The following PTCHD4 variants were observed in gnomAD, a reference collection of about 807,000 sequenced individuals.
PTCHD4 encodes patched domain-containing protein 4.
Under a neutral mutation model 58.1 loss-of-function variants are expected in PTCHD4, and 33 were observed. The ratio of observed to expected loss-of-function variants is 0.57; its 90% CI spans 0.43 to 0.76. PTCHD4 has a LOEUF of 0.76. Among genes scored for constraint, PTCHD4 ranks in the 30% least tolerant of loss-of-function variants. PTCHD4 has a pLI of 0.00. For missense variants in PTCHD4, 1,058 were observed against 1,027.1 expected, an observed-to-expected ratio of 1.03 and a Z score of -0.41; for synonymous variants, 478 against 409.6, an observed-to-expected ratio of 1.17 and a Z score of -2.02.
At chr6:48,057,672 T>A (rs1373710578) in intron 3 of PTCHD4, among the ~76,000 whole-genome samples, 1 of 152,194 alleles carries the variant, frequency 6.6e-6, no homozygotes, top group Non-Finnish European at 1.5e-5. Flanking sequence ...AGGAAGAGTA[T>A]GAATGATGAT....
chr6:48,019,521 A>G (rs1562010252), intron 3 of PTCHD4, among the ~76,000 whole-genome samples: 1 of 152,070 alleles, frequency 6.6e-6, no homozygotes. Flanking sequence ...CGGATTATGA[A>G]GTCAGGAGAT....
intron 4 of PTCHD4, among the ~76,000 whole-genome samples, chr6:47,961,897 A>G (rs549321247): frequency 3.0e-4 from 45 of 152,130 alleles, no homozygotes; most frequent in Non-Finnish European, 6.3e-4. Flanking sequence ...AATAAGCAGA[A>G]GAAAGGAAAC....
chr6:47,992,729 G>A (rs1257733675), intron 4 of PTCHD4, among the ~76,000 whole-genome samples: 1 of 152,044 alleles, frequency 6.6e-6, no homozygotes, highest in African/African-American at 2.4e-5. Context: ...TATCTGGATG[G>A]TGGTTTGATA....
chr6:48,064,944 C>T (rs1183701878), intron 3 of PTCHD4, among the ~76,000 whole-genome samples: 1 of 152,082 alleles, frequency 6.6e-6, no homozygotes, highest in Non-Finnish European at 1.5e-5. Context: ...TGTACCATTT[C>T]TTTTGTGGTA....
intron 3 of PTCHD4, among the ~76,000 whole-genome samples, chr6:48,059,772 A>C (rs1434633836): frequency 6.6e-6 from 1 of 152,058 alleles, no homozygotes; most frequent in Non-Finnish European, 1.5e-5. Flanking sequence ...GACCCTCAGC[A>C]CTCACCACCA....
At position 47,997,710 on chromosome 6, in the gene PTCHD4, T is replaced by C. The variant is rs186908935; in HGVS notation, c.898+10924A>G. Among the ~76,000 whole-genome samples the C allele has an allele frequency of 1.8e-3, 279 of 152,276 alleles. 3 individuals carry two copies. Among genetic ancestry groups the C allele is most frequent in the Non-Finnish European group, 1.8e-4 (12 of 68,028 alleles). On this transcript the variant is annotated intron_variant, in intron 4 of 4. Coordinates refer to ENST00000339488, the MANE Select transcript of PTCHD4 (RefSeq NM_001384253.1). ...CTGGATTAAGACATTACTCAATCAT[T>C]AACAAAGAAGCCAACAACTATGATA...
chr6:48,016,742 A>C (rs903726325), intron 3 of PTCHD4, among the ~76,000 whole-genome samples: 1 of 150,938 alleles, frequency 6.6e-6, no homozygotes, highest in African/African-American at 2.5e-5. Context: ...CTAGAGTAGA[A>C]AACTAAACTC....
Position 48,088,098 on chromosome 6 carries a change from G to A in PTCHD4, c.-969-18172C>T, listed in dbSNP as rs575233901. Among the ~76,000 whole-genome samples the A allele has an allele frequency of 1.7e-4, 26 of 152,156 alleles. No homozygotes were observed. The South Asian group carries it at 4.2e-3, about 24-fold the overall frequency. On this transcript the variant is annotated intron_variant, in intron 1 of 4. Transcript: ENST00000339488. Reference sequence around the variant, plus strand: ...TGCTAGGTTACAAGACCATCAATAAGGGAACTCAGGATCATAGATTCCTTG... The same window carrying A: ...TGCTAGGTTACAAGACCATCAATAAAGGAACTCAGGATCATAGATTCCTTG...
At position 48,008,814 on chromosome 6, in the gene PTCHD4, G is replaced by A. The variant is rs770205634; in HGVS notation, c.718C>T (p.Leu240=). The A allele has an allele frequency of 1.4e-5, 23 of 1,613,886 alleles. No homozygotes were observed. Among genetic ancestry groups the A allele is most frequent in the Non-Finnish European group, 1.9e-5 (22 of 1,179,904 alleles). ...GAGAGGGTGGCTGTGGTCAGGATCA[G>A]CACGAGGCTCACCAGGACCTTGCTT... ...ARSKVLVSLV[L]ILTTATLSSS... Residue 240 remains leucine (L), a synonymous_variant, in exon 4 of 5, where the codon CTG becomes TTG. Coordinates refer to ENST00000339488, the MANE Select transcript of PTCHD4 (RefSeq NM_001384253.1).
chr6:47,879,710 G>A lies in PTCHD4; in HGVS notation c.1125C>T (p.Asn375=). The A allele has an allele frequency of 6.2e-7, 1 of 1,613,556 alleles. No homozygotes were observed. Among genetic ancestry groups the A allele is most frequent in the Non-Finnish European group, 8.5e-7 (1 of 1,179,698 alleles). The change falls in exon 5 of 5, where the codon AAC becomes AAT. Residue 375 remains asparagine (N), a synonymous_variant. Coordinates refer to ENST00000339488, the MANE Select transcript of PTCHD4 (RefSeq NM_001384253.1). ...CAAAGAAGGAGAAAATGTAGAAGTA[G>A]TTCAACAGAATAGAGACACACATGT... The part of the protein sequence containing the change: ...CQNMCVSILL[N]YFYIFSFFGS...
chr6:47,885,628 A>G (rs545852146), intron 4 of PTCHD4, among the ~76,000 whole-genome samples: 1 of 152,204 alleles, frequency 6.6e-6, no homozygotes, highest in Non-Finnish European at 1.5e-5. Flanking sequence ...AGCTTCTAGT[A>G]ATCATTCTCC....
chr6:48,057,397 T>A (rs572756458), intron 3 of PTCHD4, among the ~76,000 whole-genome samples: 3 of 152,168 alleles, frequency 2.0e-5, no homozygotes, highest in Non-Finnish European at 4.4e-5. Context: ...GCTGGTTATA[T>A]CCTCCCAGGC....
chr6:47,972,531 G>A (rs1767554373), intron 4 of PTCHD4, among the ~76,000 whole-genome samples: 1 of 151,966 alleles, frequency 6.6e-6, no homozygotes, highest in Non-Finnish European at 1.5e-5. Flanking sequence ...TCTAGAAATG[G>A]ATAGCCCTCA....
At chr6:48,027,898 T>G (rs2114125382) in intron 3 of PTCHD4, among the ~76,000 whole-genome samples, 1 of 152,182 alleles carries the variant, frequency 6.6e-6, no homozygotes, top group Admixed American at 6.6e-5. Context: ...GAAAGTAACG[T>G]ATATAAAAAG....
intron 4 of PTCHD4, among the ~76,000 whole-genome samples, chr6:47,962,755 T>C (rs534161002): frequency 1.1e-4 from 17 of 151,564 alleles, no homozygotes; most frequent in Non-Finnish European, 2.4e-4. Context: ...TAAAGAAGTA[T>C]GAAAATGGAC....
intron 4 of PTCHD4, among the ~76,000 whole-genome samples, chr6:47,894,112 C>G (rs1024146842): frequency 6.6e-6 from 1 of 152,120 alleles, no homozygotes; most frequent in Non-Finnish European, 1.5e-5. Flanking sequence ...GCAGGAAGAC[C>G]CTTGCCAGAG....
At position 47,876,756 on chromosome 6, in the gene PTCHD4, G is replaced by A. The variant is rs934417778; in HGVS notation, c.*1547C>T. Among the ~76,000 whole-genome samples the A allele has an allele frequency of 2.0e-5, 3 of 151,994 alleles. No individual in the cohort carries two copies. The highest frequency in any genetic ancestry group is 6.6e-5 in the Admixed American group (1 of 15,228). Reference sequence around the variant, plus strand: ...ATGTTACTGCTTGGCATGGGAAAAGGCATTTTCTAGTAATTTCCTGTGACA... The same window carrying A: ...ATGTTACTGCTTGGCATGGGAAAAGACATTTTCTAGTAATTTCCTGTGACA... On this transcript the variant is annotated 3_prime_UTR_variant, in exon 5 of 5. Transcript: ENST00000339488.
chr6:48,076,654 G>A (rs1046524300), intron 1 of PTCHD4, among the ~76,000 whole-genome samples: 6 of 152,186 alleles, frequency 3.9e-5, no homozygotes, highest in African/African-American at 1.4e-4. Flanking sequence ...CATTTTCAAT[G>A]TGATAAAAGA....
intron 4 of PTCHD4, among the ~76,000 whole-genome samples, chr6:47,961,802 A>G (rs1289380932): frequency 6.6e-6 from 1 of 152,196 alleles, no homozygotes; most frequent in African/African-American, 2.4e-5. Flanking sequence ...CTAAACACCT[A>G]TTTTAGAAAA....
Sources: gnomAD v4.1 joint callset for allele counts (sites outside exome capture counted in the v4.1 genomes callset) on GRCh38, gnomAD v4.1.1 for gene constraint, MANE v1.5 for transcripts, NCBI Gene and HGNC (gene_info 2026-07-23, HGNC 2026-07-21) for gene names.